PCDH9: variants seen among roughly 807,000 people sequenced by gnomAD.
The protein encoded by PCDH9 is protocadherin 9, also known as protocadherin-9.
In PCDH9, 24 loss-of-function variants were observed where a neutral mutation model predicts 70.6. That is an observed-to-expected ratio of 0.34 (90% CI 0.25 to 0.48). The LOEUF (loss-of-function observed/expected upper bound fraction) is 0.48. PCDH9 is among the 20% of genes least tolerant of loss of function. The probability of loss-of-function intolerance (pLI) is 0.99; values close to 1 mark genes in which losing one functional copy is unlikely to be tolerated. For missense variants in PCDH9, 1,281 were observed against 1,503.6 expected, an observed-to-expected ratio of 0.85 and a Z score of 2.45; for synonymous variants, 562 against 558.5, an observed-to-expected ratio of 1.01 and a Z score of -0.09.
chr13:66,960,361 T>C (rs979806800), intron 2 of PCDH9, among the ~76,000 whole-genome samples: 3 of 152,170 alleles, frequency 2.0e-5, no homozygotes, highest in African/African-American at 4.8e-5. Flanking sequence ...TCAGAGTGCT[T>C]TGCTGACTAC....
At chr13:67,038,790 T>C (rs1219776341) in intron 2 of PCDH9, among the ~76,000 whole-genome samples, 1 of 152,130 alleles carries the variant, frequency 6.6e-6, no homozygotes, top group East Asian at 1.9e-4. Context: ...GGAGGATCTT[T>C]TGTTATAGTA....
At chr13:67,060,816 C>G (rs1594456355) in intron 2 of PCDH9, among the ~76,000 whole-genome samples, 1 of 152,084 alleles carries the variant, frequency 6.6e-6, no homozygotes, top group Admixed American at 6.6e-5. Flanking sequence ...TTTCCCTCCA[C>G]AATTCCTCAT....
At chr13:67,021,671 T>C (rs985590190) in intron 2 of PCDH9, among the ~76,000 whole-genome samples, 2 of 152,024 alleles carry the variant, frequency 1.3e-5, no homozygotes, top group Non-Finnish European at 1.5e-5. Context: ...GCAAATCTCC[T>C]GCCTCAGCCT....
At chr13:66,735,766 C>G (rs1365257312) in intron 3 of PCDH9, among the ~76,000 whole-genome samples, 1 of 152,074 alleles carries the variant, frequency 6.6e-6, no homozygotes. Context: ...GAGTTCAAGA[C>G]CAGCCTGGCC....
chr13:66,792,533 G>T (rs985526055), intron 3 of PCDH9, among the ~76,000 whole-genome samples: 4 of 152,132 alleles, frequency 2.6e-5, no homozygotes, highest in Non-Finnish European at 5.9e-5. Flanking sequence ...GCTGGGCTTG[G>T]TGGCGCATGC....
At chr13:66,870,325 G>A (rs938153906) in intron 3 of PCDH9, among the ~76,000 whole-genome samples, 3 of 152,106 alleles carry the variant, frequency 2.0e-5, no homozygotes, top group African/African-American at 7.2e-5. Context: ...GGTTACTGTA[G>A]CCTTGTAGTA....
intron 3 of PCDH9, among the ~76,000 whole-genome samples, chr13:66,726,393 T>C (rs1416985879): frequency 2.0e-5 from 3 of 152,040 alleles, no homozygotes; most frequent in Non-Finnish European, 4.4e-5. Context: ...AAAATGCAAT[T>C]AGATGGTAAA....
chr13:66,447,619 T>C (rs1419759738), intron 4 of PCDH9, among the ~76,000 whole-genome samples: 1 of 152,160 alleles, frequency 6.6e-6, no homozygotes, highest in African/African-American at 2.4e-5. Context: ...TCATTTATTG[T>C]AGCAAGTTTT....
chr13:66,747,342 C>T (rs12877407), intron 3 of PCDH9, among the ~76,000 whole-genome samples: 26,649 of 151,452 alleles, frequency 0.18, 3,145 homozygotes, highest in East Asian at 0.44. Flanking sequence ...CAGTGCGAGA[C>T]GCCATCTCAA....
intron 4 of PCDH9, among the ~76,000 whole-genome samples, chr13:66,612,280 A>T (rs2077302300): frequency 1.3e-5 from 2 of 152,162 alleles, no homozygotes; most frequent in South Asian, 4.1e-4. Flanking sequence ...TTAATCAGAA[A>T]CTCTATTTGC....
At chr13:66,829,340 C>T (rs2080882680) in intron 3 of PCDH9, among the ~76,000 whole-genome samples, 1 of 151,768 alleles carries the variant, frequency 6.6e-6, no homozygotes, top group African/African-American at 2.4e-5. Flanking sequence ...AAAAGCAGAA[C>T]CAAAAGATTA....
intron 2 of PCDH9, among the ~76,000 whole-genome samples, chr13:67,014,217 C>T (rs1467461982): frequency 6.6e-6 from 1 of 152,078 alleles, no homozygotes; most frequent in African/African-American, 2.4e-5. Flanking sequence ...CCCCAAACAG[C>T]TCTTCTGAGC....
chr13:66,603,757 T>C (rs1458374807), intron 4 of PCDH9, among the ~76,000 whole-genome samples: 1 of 152,066 alleles, frequency 6.6e-6, no homozygotes, highest in Non-Finnish European at 1.5e-5. Context: ...ATGTAAGAGT[T>C]TTACATTTTA....
intron 4 of PCDH9, among the ~76,000 whole-genome samples, chr13:66,622,293 G>A (rs1230850035): frequency 2.6e-5 from 4 of 152,186 alleles, no homozygotes; most frequent in East Asian, 1.9e-4. Context: ...CTGCTCCACG[G>A]CGCCCAGTCC....
chr13:66,446,453 A>G (rs1958091620), intron 4 of PCDH9, among the ~76,000 whole-genome samples: 1 of 152,112 alleles, frequency 6.6e-6, no homozygotes, highest in Non-Finnish European at 1.5e-5. Context: ...GATGAGTAGG[A>G]AAAAGAAGAC....
chr13:67,183,227 G>C (rs1334958425), intron 2 of PCDH9, among the ~76,000 whole-genome samples: 1 of 152,016 alleles, frequency 6.6e-6, no homozygotes, highest in African/African-American at 2.4e-5. Context: ...CAACTGTCAG[G>C]AATCAAATCT....
chr13:67,033,084 G>T (rs1232179554), intron 2 of PCDH9, among the ~76,000 whole-genome samples: 1 of 151,588 alleles, frequency 6.6e-6, no homozygotes, highest in African/African-American at 2.4e-5. Flanking sequence ...ACTTTCTCTT[G>T]CTATTCTTTC....
chr13:66,442,940 T>C (rs1348996827), intron 4 of PCDH9, among the ~76,000 whole-genome samples: 1 of 152,214 alleles, frequency 6.6e-6, no homozygotes, highest in Admixed American at 6.5e-5. Flanking sequence ...ATTCCAGGCA[T>C]ATCTCTACAT....
chr13:66,459,641 G>T (rs932166913), intron 4 of PCDH9, among the ~76,000 whole-genome samples: 5 of 151,938 alleles, frequency 3.3e-5, no homozygotes, highest in African/African-American at 1.2e-4. Flanking sequence ...AAGTCAGTTT[G>T]AAGATTGCCA....
Sources: allele counts gnomAD v4.1 joint callset (sites outside exome capture counted in the v4.1 genomes callset), GRCh38; gene constraint gnomAD v4.1.1; transcripts MANE v1.5; gene names NCBI Gene and HGNC (gene_info 2026-07-23, HGNC 2026-07-21).